BANK1: variants seen among roughly 807,000 people sequenced by gnomAD.
The protein encoded by BANK1 is B cell scaffold protein with ankyrin repeats 1, also known as B-cell scaffold protein with ankyrin repeats.
BANK1 carries 95 observed loss-of-function variants against 94.5 expected under a neutral mutation model. That is an observed-to-expected ratio of 1.00 (90% CI 0.85 to 1.19). The LOEUF (loss-of-function observed/expected upper bound fraction) is 1.19, where lower values mean the gene tolerates loss of function less well. Among genes scored for constraint, BANK1 ranks in the 50% most tolerant of loss-of-function variants. BANK1 has a pLI of 0.00. For missense variants in BANK1, 987 were observed against 932.2 expected, an observed-to-expected ratio of 1.06 and a Z score of -0.77; for synonymous variants, 334 against 308.4, an observed-to-expected ratio of 1.08 and a Z score of -0.87.
intron 6 of BANK1, among the ~76,000 whole-genome samples, chr4:101,896,711 T>C (rs1722092473): frequency 1.3e-5 from 2 of 151,890 alleles, no homozygotes; most frequent in African/African-American, 4.8e-5. Flanking sequence ...ATAATATACA[T>C]GTATTTATAG....
At chr4:101,801,853 A>G (rs560692178) in intron 1 of BANK1, among the ~76,000 whole-genome samples, 17 of 152,292 alleles carry the variant, frequency 1.1e-4, no homozygotes, top group Admixed American at 1.1e-3. Flanking sequence ...TGATTGTAAT[A>G]TTTGCTGCTG....
chr4:101,949,933 A>C (rs1289795538), intron 7 of BANK1, among the ~76,000 whole-genome samples: 1 of 152,148 alleles, frequency 6.6e-6, no homozygotes. Flanking sequence ...TGACCTATCT[A>C]AGATGACATT....
intron 7 of BANK1, among the ~76,000 whole-genome samples, chr4:101,933,216 T>C (rs937612456): frequency 6.0e-5 from 9 of 151,216 alleles, no homozygotes; most frequent in African/African-American, 2.2e-4. Context: ...GGGAGATTAT[T>C]TGGAGAAACT....
At chr4:102,001,125 C>A (rs1726053279) in intron 7 of BANK1, among the ~76,000 whole-genome samples, 1 of 152,126 alleles carries the variant, frequency 6.6e-6, no homozygotes, top group South Asian at 2.1e-4. Context: ...TGTATGGTCA[C>A]AGGCTGGTTT....
At chr4:101,933,116 T>C (rs144012791) in intron 7 of BANK1, among the ~76,000 whole-genome samples, 144 of 151,656 alleles carry the variant, frequency 9.5e-4, no homozygotes, top group African/African-American at 3.3e-3. Context: ...GCATGAGTTT[T>C]AGACATAATA....
At chr4:101,961,391 G>A (rs1724564838) in intron 7 of BANK1, among the ~76,000 whole-genome samples, 1 of 152,130 alleles carries the variant, frequency 6.6e-6, no homozygotes, top group African/African-American at 2.4e-5. Flanking sequence ...AGCCACTCCA[G>A]GGAGTCTCAC....
chr4:101,831,675 A>G (rs1726626494), intron 2 of BANK1, among the ~76,000 whole-genome samples: 1 of 152,120 alleles, frequency 6.6e-6, no homozygotes, highest in Non-Finnish European at 1.5e-5. Flanking sequence ...AGGTTTTACC[A>G]TGTTGGCCAG....
chr4:101,834,506 C>T (rs999454228), intron 2 of BANK1, among the ~76,000 whole-genome samples: 16 of 152,128 alleles, frequency 1.1e-4, no homozygotes, highest in Non-Finnish European at 2.2e-4. Flanking sequence ...TGGGTTGTGT[C>T]CTTTGAAGAA....
chr4:101,980,067 G>C (rs1236590614), intron 7 of BANK1, among the ~76,000 whole-genome samples: 1 of 151,682 alleles, frequency 6.6e-6, no homozygotes, highest in East Asian at 1.9e-4. Context: ...CACTTTATAA[G>C]TGGCAAAAGT....
At chr4:101,847,736 T>TACAC (rs35196238) in intron 2 of BANK1, among the ~76,000 whole-genome samples, 2,499 of 145,848 alleles carry the variant, frequency 0.017, 26 homozygotes, top group South Asian at 0.02. Flanking sequence ...TATTCCATCA[T>TACAC]ACACACACAC....
rs115777636 is a variant in BANK1, at chr4:102,005,353, G to C, written c.1207-16161G>C. On this transcript the variant is annotated intron_variant, in intron 7 of 16. Coordinates refer to ENST00000322953, the MANE Select transcript of BANK1 (RefSeq NM_017935.5). ...ATTATAAAATAAATGCATGAACAAAGAAGATGCTACTTGTTAACCATCAAT... is the reference window on the plus strand; with the variant it reads ...ATTATAAAATAAATGCATGAACAAACAAGATGCTACTTGTTAACCATCAAT... Among the ~76,000 whole-genome samples the C allele has an allele frequency of 4.0e-3, 603 of 152,160 alleles. 4 individuals carry two copies. The highest frequency in any genetic ancestry group is 0.014 in the African/African-American group (570 of 41,568).
chr4:101,823,976 G>A (rs1364183718), intron 1 of BANK1, among the ~76,000 whole-genome samples: 1 of 152,212 alleles, frequency 6.6e-6, no homozygotes, highest in Non-Finnish European at 1.5e-5. Flanking sequence ...CTCTAGTGAG[G>A]AAATGGAGAA....
chr4:101,860,579 C>T (rs1029701193), intron 3 of BANK1, among the ~76,000 whole-genome samples: 1 of 151,980 alleles, frequency 6.6e-6, no homozygotes, highest in African/African-American at 2.4e-5. Flanking sequence ...TACAGGTGTG[C>T]ACCACCATGC....
chr4:102,058,404 C>T (rs1728306805), intron 11 of BANK1, among the ~76,000 whole-genome samples: 1 of 152,022 alleles, frequency 6.6e-6, no homozygotes, highest in Non-Finnish European at 1.5e-5. Flanking sequence ...AGCTGTCTGA[C>T]AAATGCTTTT....
chr4:101,841,995 A>G (rs1727065984), intron 2 of BANK1, among the ~76,000 whole-genome samples: 1 of 152,146 alleles, frequency 6.6e-6, no homozygotes, highest in East Asian at 1.9e-4. Flanking sequence ...ATAGAATAAC[A>G]TAAATGAATA....
At chr4:101,884,280 C>T (rs1048564242) in intron 5 of BANK1, among the ~76,000 whole-genome samples, 4 of 152,116 alleles carry the variant, frequency 2.6e-5, no homozygotes, top group East Asian at 1.9e-4. Flanking sequence ...ATCCAATGGA[C>T]GTTTTTTGTG....
intron 7 of BANK1, among the ~76,000 whole-genome samples, chr4:101,920,963 A>G (rs1231336955): frequency 6.6e-6 from 1 of 151,810 alleles, no homozygotes; most frequent in East Asian, 1.9e-4. Flanking sequence ...GAAGGAGGGG[A>G]GGAAGAGAAA....
chr4:101,933,520 G>A (rs1286840264), intron 7 of BANK1, among the ~76,000 whole-genome samples: 1 of 151,458 alleles, frequency 6.6e-6, no homozygotes, highest in African/African-American at 2.4e-5. Context: ...TCTCACTATT[G>A]TGTTGCAGTC....
intron 7 of BANK1, among the ~76,000 whole-genome samples, chr4:101,950,936 A>C (rs1170728292): frequency 6.6e-6 from 1 of 152,196 alleles, no homozygotes; most frequent in Non-Finnish European, 1.5e-5. Context: ...ATACCTGACC[A>C]GCAGTCCTTA....
Sources: allele counts gnomAD v4.1 joint callset (sites outside exome capture counted in the v4.1 genomes callset), GRCh38; gene constraint gnomAD v4.1.1; transcripts MANE v1.5; gene names NCBI Gene and HGNC (gene_info 2026-07-23, HGNC 2026-07-21).